Variants in C8orf33 observed in about 807,000 individuals in gnomAD.
C8orf33 encodes UPF0488 protein C8orf33.
Under a neutral mutation model 25.7 loss-of-function variants are expected in C8orf33, and 28 were observed. The ratio of observed to expected loss-of-function variants is 1.09; its 90% CI spans 0.81 to 1.49. The LOEUF (loss-of-function observed/expected upper bound fraction) is 1.49, where lower values mean the gene tolerates loss of function less well. Among genes scored for constraint, C8orf33 ranks in the 40% most tolerant of loss-of-function variants. C8orf33 has a pLI of 0.00. For missense variants in C8orf33, 369 were observed against 294.4 expected (o/e 1.25, Z -1.85); for synonymous variants, 153 against 115.9 (o/e 1.32, Z -2.06).
chr8:145,054,336 C>A lies in C8orf33; in HGVS notation c.*179C>A, dbSNP rs905488237. On this transcript the variant is annotated 3_prime_UTR_variant, in exon 5 of 5. Transcript: ENST00000331434. ...AGACCATCAGATAGGCAAAAGACCC[C>A]GTTCGTTTTCTGATGAAATGTTCTC... The A allele has an allele frequency of 2.5e-5, 14 of 562,818 alleles. No individual in the cohort carries two copies. Among genetic ancestry groups the A allele is most frequent in the Non-Finnish European group, 3.9e-5 (13 of 331,152 alleles). 34.9% of individuals were successfully genotyped at this position (562,818 alleles called of 1,614,324 possible).
Position 145,052,589 on chromosome 8 carries a change from C to T in C8orf33, c.10C>T (p.Leu4=), listed in dbSNP as rs149304579. ...CGTGCTACCCCCCTTTCTCCAGGCCCTGGGACATCTTGCTGGGGAGGCAGC... is the reference window on the plus strand; with the variant it reads ...CGTGCTACCCCCCTTTCTCCAGGCCTTGGGACATCTTGCTGGGGAGGCAGC... MAA[L]GHLAGEAAAA... is the part of the protein sequence containing the mutation. The change falls in exon 2 of 5, where the codon CTG becomes TTG. Residue 4 remains leucine (L), a synonymous_variant. Transcript: ENST00000331434. The T allele has an allele frequency of 1.3e-5, 21 of 1,605,502 alleles. No homozygotes were observed. The African/African-American group carries it at 2.5e-4, about 19-fold the overall frequency.
Position 145,054,448 on chromosome 8 carries a change from C to T in C8orf33, c.*291C>T, listed in dbSNP as rs984070406. 3.3e-6 allele frequency: 1 copy of T among 303,042 alleles called. No individual in the cohort carries two copies. The highest frequency in any genetic ancestry group is 6.2e-6 in the Non-Finnish European group (1 of 161,246). 18.8% of individuals were successfully genotyped at this position (303,042 alleles called of 1,614,324 possible). ...AAAGTATTGTAGAAGGAATATTGTACTCAGTCTTTAGGATTAGATTAAGTG... is the reference window on the plus strand; with the variant it reads ...AAAGTATTGTAGAAGGAATATTGTATTCAGTCTTTAGGATTAGATTAAGTG... On this transcript the variant is annotated 3_prime_UTR_variant, in exon 5 of 5. Coordinates refer to ENST00000331434, the MANE Select transcript of C8orf33 (RefSeq NM_023080.3).
Position 145,052,854 on chromosome 8 carries a change from A to T in C8orf33, c.275A>T (p.Glu92Val), listed in dbSNP as rs113304904. 1.2e-5 allele frequency: 19 copies of T among 1,613,640 alleles called. No individual in the cohort carries two copies. In the African/African-American group the frequency reaches 1.3e-4, roughly 11 times the overall value. Residue 92 changes from glutamate to valine, a missense_variant, in exon 2 of 5, where the codon GAG (glutamate) becomes GTG (valine). Coordinates refer to ENST00000331434, the MANE Select transcript of C8orf33 (RefSeq NM_023080.3). The stretch of plus-strand genomic sequence containing the variant: ...GCAAATGGAGGCGAGAAGGCCTCAG[A>T]GAAACTCGCCCCAGAAGAAGTTCCC... ...SVANGGEKAS[E>V]KLAPEEVPLS...
chr8:145,054,046 A>G lies in C8orf33; in HGVS notation c.579A>G (p.Val193=). ...AAAYSAQVQP[V]DGATRKKSQR... ...CTTATTCAGCCCAGGTGCAACCTGT[A>G]GATGGAGCCACCAGAAAGAAGAGCC... Residue 193 remains valine, a synonymous_variant, in exon 5 of 5, where the codon GTA becomes GTG. Transcript: ENST00000331434. 6.2e-7 allele frequency: 1 copy of G among 1,614,170 alleles called. No individual in the cohort carries two copies. The highest frequency in any genetic ancestry group is 1.1e-5 in the South Asian group (1 of 91,090).
At position 145,054,422 on chromosome 8, in the gene C8orf33, C is replaced by G. The variant is rs759952052; in HGVS notation, c.*265C>G. On this transcript the variant is annotated 3_prime_UTR_variant, in exon 5 of 5. Coordinates refer to ENST00000331434, the MANE Select transcript of C8orf33 (RefSeq NM_023080.3). ...TATGCAATAAATTGAAGTGAGTGTT[C>G]AAAGTATTGTAGAAGGAATATTGTA... 7.9e-6 allele frequency: 3 copies of G among 377,472 alleles called. No individual in the cohort carries two copies. The South Asian group carries it at 1.1e-4, about 14-fold the overall frequency. 23.4% of individuals were successfully genotyped at this position (377,472 alleles called of 1,614,324 possible). A position where few individuals can be genotyped will look rare whatever the true frequency, so the allele number is the denominator to read the frequency against.
chr8:145,054,337 G>C lies in C8orf33; in HGVS notation c.*180G>C. ...GACCATCAGATAGGCAAAAGACCCC[G>C]TTCGTTTTCTGATGAAATGTTCTCT... On this transcript the variant is annotated 3_prime_UTR_variant, in exon 5 of 5. Transcript: ENST00000331434. 1 of 570,106 alleles carries C rather than the reference G, an allele frequency of 1.8e-6. No homozygotes were observed. Among genetic ancestry groups the C allele is most frequent in the South Asian group, 2.7e-5 (1 of 36,896 alleles). 35.3% of individuals were successfully genotyped at this position (570,106 alleles called of 1,614,324 possible). A position where few individuals can be genotyped will look rare whatever the true frequency, so the allele number is the denominator to read the frequency against.
Position 145,052,499 on chromosome 8 carries a change from T to C in C8orf33, c.6+2T>C. Reference sequence around the variant, plus strand: ...CGGTGGCGACTGCGGCGCATGGCGGTGAGCGGTGTGGAGAAGACGCGCGGG... The same window carrying C: ...CGGTGGCGACTGCGGCGCATGGCGGCGAGCGGTGTGGAGAAGACGCGCGGG... On this transcript the variant is annotated splice_donor_variant, in intron 1 of 4. Coordinates refer to ENST00000331434, the MANE Select transcript of C8orf33 (RefSeq NM_023080.3). LOFTEE classifies it high-confidence loss of function. The C allele has an allele frequency of 6.3e-7, 1 of 1,599,034 alleles. No homozygotes were observed. Among genetic ancestry groups the C allele is most frequent in the Non-Finnish European group, 8.5e-7 (1 of 1,179,552 alleles).
At chr8:145,053,706 T>A in intron 4 of C8orf33, 1 of 579,978 alleles carries the variant, frequency 1.7e-6, no homozygotes, top group East Asian at 2.9e-5. Context: ...TGGGGAAAGC[T>A]GCCTCATGTC....
chr8:145,052,924 G>A (rs752651208), intron 2 of C8orf33, 27 bp downstream of exon 2: 2 of 1,604,394 alleles, frequency 1.2e-6, no homozygotes, highest in South Asian at 1.1e-5. Flanking sequence ...GTCGGGAAGG[G>A]TGGAATCCAC....
In C8orf33 at chr8:145,052,511, A is replaced by G; in HGVS notation, c.6+14A>G. 1 of 1,599,656 alleles carries G rather than the reference A, an allele frequency of 6.3e-7. No homozygotes were observed. The highest frequency in any genetic ancestry group is 1.1e-5 in the South Asian group (1 of 91,026). ...CGGCGCATGGCGGTGAGCGGTGTGGAGAAGACGCGCGGGTGGCTGGGCCTT... is the reference window on the plus strand; with the variant it reads ...CGGCGCATGGCGGTGAGCGGTGTGGGGAAGACGCGCGGGTGGCTGGGCCTT... On this transcript the variant is annotated intron_variant, in intron 1 of 4. Transcript: ENST00000331434.
chr8:145,053,332 A>G lies in C8orf33; in HGVS notation c.439A>G (p.Ser147Gly). ...TATTGGAGCAATCCGAACCCTGCGC[A>G]GCAAAAGAACGCCCTTGCCCCGGAA... ...QAIGAIRTLR[S>G]KRTPLPRKRQ... Residue 147 changes from serine (S) to glycine (G), a missense_variant, in exon 4 of 5, where the codon AGC (serine) becomes GGC (glycine). By Grantham distance (56) the Ser-to-Gly change is moderately conservative. Coordinates refer to ENST00000331434, the MANE Select transcript of C8orf33 (RefSeq NM_023080.3). The G allele has an allele frequency of 6.2e-7, 1 of 1,614,234 alleles. No individual in the cohort carries two copies.
intron 4 of C8orf33, 32 bp from the exon 5 acceptor site, chr8:145,053,986 G>T (rs1563954885): frequency 1.2e-6 from 2 of 1,609,508 alleles, no homozygotes; most frequent in Non-Finnish European, 1.7e-6. Flanking sequence ...TTATTATTCA[G>T]TTCTGACATA....
chr8:145,054,258 G>T lies in C8orf33; in HGVS notation c.*101G>T. The T allele has an allele frequency of 7.2e-7, 1 of 1,388,190 alleles. No homozygotes were observed. Among genetic ancestry groups the T allele is most frequent in the Non-Finnish European group, 9.9e-7 (1 of 1,012,492 alleles). The allele number at this position is 1,388,190 out of a possible 1,614,324, so 86.0% of individuals were successfully genotyped here. On this transcript the variant is annotated 3_prime_UTR_variant, in exon 5 of 5. Coordinates refer to ENST00000331434, the MANE Select transcript of C8orf33 (RefSeq NM_023080.3). ...GGACTTCTGTTGTCAGAGAACCCTG[G>T]AGTTGGTCTGTCCCTGGCTGGTCCA...
chr8:145,053,821 ATAG>A (rs1240739346), intron 4 of C8orf33, 194 bp from the exon 5 acceptor site: 1 of 668,516 alleles, frequency 1.5e-6, no homozygotes, highest in East Asian at 2.7e-5. Flanking sequence ...GATCTACCAC[ATAG>A]TAGTACTAAC....
chr8:145,055,001 GCTGCCTA>G lies in C8orf33; in HGVS notation c.*847_*853del, dbSNP rs1184903765. On this transcript the variant is annotated 3_prime_UTR_variant, in exon 5 of 5. Transcript: ENST00000331434. ...AGACTAGATTGATACCTGGAGCCCA[GCTGCCTA>G]CTCAGCATTTCCACTTGGGTGCTTC... 1 of 152,166 alleles carries G rather than the reference GCTGCCTA, an allele frequency of 6.6e-6. No individual in the cohort carries two copies. The highest frequency in any genetic ancestry group is 1.9e-4 in the East Asian group (1 of 5,196). 9.4% of individuals were successfully genotyped at this position (152,166 alleles called of 1,614,324 possible).
In C8orf33 at chr8:145,052,775, A is replaced by G; in HGVS notation, c.196A>G (p.Thr66Ala). 1 of 1,614,206 alleles carries G rather than the reference A, an allele frequency of 6.2e-7. No individual in the cohort carries two copies. Among genetic ancestry groups the G allele is most frequent in the African/African-American group, 1.3e-5 (1 of 75,054 alleles). ...GCACCCGTTGGGCGATGAAGGCGGCACAGCGTCGAAAAAACAAAAGAATAA... is the reference window on the plus strand; with the variant it reads ...GCACCCGTTGGGCGATGAAGGCGGCGCAGCGTCGAAAAAACAAAAGAATAA... Reference protein sequence around the residue: ...RAHPLGDEGGTASKKQKNKKK... With the variant: ...RAHPLGDEGGAASKKQKNKKK... Residue 66 changes from threonine to alanine, a missense_variant, in exon 2 of 5, where the codon ACA becomes GCA. Transcript: ENST00000331434.
In C8orf33 at chr8:145,054,325, G is replaced by A. The variant is rs1835325138; in HGVS notation, c.*168G>A. The A allele has an allele frequency of 1.6e-6, 1 of 635,720 alleles. No individual in the cohort carries two copies. Among genetic ancestry groups the A allele is most frequent in the Non-Finnish European group, 2.6e-6 (1 of 384,576 alleles). The allele number at this position is 635,720 out of a possible 1,614,324, so 39.4% of individuals were successfully genotyped here. A position where few individuals can be genotyped will look rare whatever the true frequency, so the allele number is the denominator to read the frequency against. On this transcript the variant is annotated 3_prime_UTR_variant, in exon 5 of 5. Coordinates refer to ENST00000331434, the MANE Select transcript of C8orf33 (RefSeq NM_023080.3). ...GTGAAGGTGTGAGACCATCAGATAGGCAAAAGACCCCGTTCGTTTTCTGAT... is the reference window on the plus strand; with the variant it reads ...GTGAAGGTGTGAGACCATCAGATAGACAAAAGACCCCGTTCGTTTTCTGAT...
chr8:145,053,757 C>G, intron 4 of C8orf33: 1 of 586,464 alleles, frequency 1.7e-6, no homozygotes, highest in Non-Finnish European at 3.0e-6. Context: ...AAGCCATATC[C>G]CATAACAGTT....
chr8:145,054,236 C>A lies in C8orf33; in HGVS notation c.*79C>A. On this transcript the variant is annotated 3_prime_UTR_variant, in exon 5 of 5. Coordinates refer to ENST00000331434, the MANE Select transcript of C8orf33 (RefSeq NM_023080.3). ...TTTTGAGTGCAGAGCCTTTCCAGGA[C>A]TTCTGTTGTCAGAGAACCCTGGAGT... The A allele has an allele frequency of 6.6e-7, 1 of 1,506,528 alleles. No homozygotes were observed. The highest frequency in any genetic ancestry group is 9.0e-7 in the Non-Finnish European group (1 of 1,110,684). The allele number at this position is 1,506,528 out of a possible 1,614,324, so 93.3% of individuals were successfully genotyped here.
Sources: gnomAD v4.1 joint callset for allele counts on GRCh38, gnomAD v4.1.1 for gene constraint, MANE v1.5 for transcripts, NCBI Gene and HGNC (gene_info 2026-07-23, HGNC 2026-07-21) for gene names.